Variants in TAFA2 observed in about 807,000 individuals in gnomAD.
TAFA2 encodes the protein chemokine-like protein TAFA-2.
Under a neutral mutation model 18.8 loss-of-function variants are expected in TAFA2, and 7 were observed. The ratio of observed to expected loss-of-function variants is 0.37; its 90% CI spans 0.21 to 0.70. The LOEUF is 0.70. Ranked by LOEUF, TAFA2 falls within the 30% of genes least tolerant of loss-of-function variation. The probability of loss-of-function intolerance (pLI) is 0.53; values close to 1 mark genes in which losing one functional copy is unlikely to be tolerated. For synonymous variants in TAFA2, 60 were observed against 54.2 expected, an observed-to-expected ratio of 1.11 and a Z score of -0.47; for missense variants, 122 against 158.1, an observed-to-expected ratio of 0.77 and a Z score of 1.23.
At chr12:62,209,034 T>C (rs2062703314) in intron 1 of TAFA2, among the ~76,000 whole-genome samples, 1 of 152,204 alleles carries the variant, frequency 6.6e-6, no homozygotes, top group Non-Finnish European at 1.5e-5. Context: ...TCTGAATTTC[T>C]TTTTGCCCTC....
chr12:61,778,634 T>G (rs1870374197), intron 2 of TAFA2, among the ~76,000 whole-genome samples: 1 of 151,886 alleles, frequency 6.6e-6, no homozygotes. Context: ...GAACAAATTA[T>G]GACATAGCTT....
intron 1 of TAFA2, among the ~76,000 whole-genome samples, chr12:62,109,892 G>T (rs1008615972): frequency 1.2e-4 from 18 of 152,162 alleles, no homozygotes; most frequent in African/African-American, 4.1e-4. Context: ...AGACAATGGG[G>T]TTTTCTAAAT....
chr12:61,788,880 C>T (rs12313346), intron 2 of TAFA2, among the ~76,000 whole-genome samples: 6,914 of 151,778 alleles, frequency 0.046, 497 homozygotes, highest in African/African-American at 0.16. Flanking sequence ...AGTAAAATAA[C>T]TGAATCTATC....
intron 2 of TAFA2, among the ~76,000 whole-genome samples, chr12:61,819,275 T>C (rs954101124): frequency 2.6e-5 from 4 of 152,194 alleles, no homozygotes; most frequent in Non-Finnish European, 5.9e-5. Flanking sequence ...AAATGTACTA[T>C]AAAAATCGTG....
intron 4 of TAFA2, among the ~76,000 whole-genome samples, chr12:61,753,257 T>C (rs1377181627): frequency 6.6e-6 from 1 of 151,986 alleles, no homozygotes; most frequent in Non-Finnish European, 1.5e-5. Context: ...TAAAATAATG[T>C]TTTCAGAATT....
intron 1 of TAFA2, among the ~76,000 whole-genome samples, chr12:62,250,819 C>T (rs932174312): frequency 6.6e-6 from 1 of 152,116 alleles, no homozygotes; most frequent in African/African-American, 2.4e-5. Flanking sequence ...TGAGGTCTTG[C>T]ATAGTTAGGC....
chr12:62,164,799 G>A (rs2062428179), intron 1 of TAFA2, among the ~76,000 whole-genome samples: 1 of 152,010 alleles, frequency 6.6e-6, no homozygotes, highest in Non-Finnish European at 1.5e-5. Flanking sequence ...GGACATTGAG[G>A]ATCACATAAA....
At chr12:61,934,829 A>T (rs951659969) in intron 1 of TAFA2, among the ~76,000 whole-genome samples, 2 of 152,226 alleles carry the variant, frequency 1.3e-5, no homozygotes, top group African/African-American at 4.8e-5. Context: ...TAAATAGACC[A>T]AAGTCTAAAT....
At chr12:62,021,833 G>T in intron 1 of TAFA2, 1 of 816,008 alleles carries the variant, frequency 1.2e-6, no homozygotes, top group Non-Finnish European at 2.2e-6. Flanking sequence ...GGATCATCAG[G>T]CCATCCACAA....
chr12:62,077,902 G>A (rs1400754581), intron 1 of TAFA2, among the ~76,000 whole-genome samples: 2 of 152,094 alleles, frequency 1.3e-5, no homozygotes. Flanking sequence ...TAAAAACACT[G>A]AGCATCTCTA....
chr12:61,992,925 A>G (rs1413747454), intron 1 of TAFA2, among the ~76,000 whole-genome samples: 1 of 152,208 alleles, frequency 6.6e-6, no homozygotes, highest in Non-Finnish European at 1.5e-5. Flanking sequence ...GCTCCTACAC[A>G]TTGAGTGCCA....
intron 2 of TAFA2, among the ~76,000 whole-genome samples, chr12:61,771,579 C>T (rs1373791076): frequency 1.3e-5 from 2 of 151,844 alleles, no homozygotes; most frequent in Non-Finnish European, 2.9e-5. Context: ...CAACAAAACC[C>T]TCAAAATTAT....
intron 2 of TAFA2, among the ~76,000 whole-genome samples, chr12:61,778,134 G>A (rs959108329): frequency 6.6e-6 from 1 of 151,790 alleles, no homozygotes; most frequent in Non-Finnish European, 1.5e-5. Flanking sequence ...TAACAAAAGT[G>A]TTCTAAGGAT....
chr12:61,716,999 C>T (rs79158271), intron 4 of TAFA2, among the ~76,000 whole-genome samples: 4,054 of 152,246 alleles, frequency 0.027, 176 homozygotes, highest in African/African-American at 0.092. Flanking sequence ...ATTCTAAGTG[C>T]TGATTTGAAT....
intron 2 of TAFA2, among the ~76,000 whole-genome samples, chr12:61,763,666 C>G (rs956287515): frequency 2.0e-5 from 3 of 151,872 alleles, no homozygotes; most frequent in African/African-American, 2.4e-5. Context: ...GAAATTGACA[C>G]ATGAGCCAAA....
chr12:62,005,293 C>T (rs1177008217), intron 1 of TAFA2, among the ~76,000 whole-genome samples: 1 of 151,786 alleles, frequency 6.6e-6, no homozygotes, highest in Non-Finnish European at 1.5e-5. Flanking sequence ...TGCAATATAC[C>T]ATATATATAC....
chr12:61,809,336 A>C (rs1167190591), intron 2 of TAFA2, among the ~76,000 whole-genome samples: 1 of 151,548 alleles, frequency 6.6e-6, no homozygotes, highest in Non-Finnish European at 1.5e-5. Context: ...AACAGTACTT[A>C]TTGTGTAAGT....
chr12:62,182,010 G>T (rs11612171), intron 1 of TAFA2, among the ~76,000 whole-genome samples: 1 of 142,244 alleles, frequency 7.0e-6, no homozygotes, highest in Non-Finnish European at 1.5e-5. Flanking sequence ...GCTACACATA[G>T]TAGCTACTCA....
At chr12:61,933,873 G>A (rs114506173) in intron 1 of TAFA2, among the ~76,000 whole-genome samples, 244 of 152,284 alleles carry the variant, frequency 1.6e-3, no homozygotes, top group African/African-American at 5.6e-3. Flanking sequence ...CAACATAGAT[G>A]GTATTTAACA....
Sources: gnomAD v4.1 joint callset for allele counts (sites outside exome capture counted in the v4.1 genomes callset) on GRCh38, gnomAD v4.1.1 for gene constraint, MANE v1.5 for transcripts, NCBI Gene and HGNC (gene_info 2026-07-23, HGNC 2026-07-21) for gene names.